Variants in RANBP3 observed in about 807,000 individuals in gnomAD.
RANBP3 encodes the protein RAN binding protein 3, also known as ran-binding protein 3.
In RANBP3, 14 loss-of-function variants were observed where a neutral mutation model predicts 77.3. The ratio of observed to expected loss-of-function variants is 0.18; its 90% CI spans 0.12 to 0.28. The LOEUF is 0.28. RANBP3 is among the 10% of genes least tolerant of loss of function. The pLI, the probability that RANBP3 is intolerant of heterozygous loss-of-function variation, is 1.00. For missense variants in RANBP3, 586 were observed against 752.3 expected (o/e 0.78, Z 2.59); for synonymous variants, 315 against 312.4 (o/e 1.01, Z -0.09).
At chr19:5,957,467 G>A (rs1268985590) in intron 2 of RANBP3, among the ~76,000 whole-genome samples, 1 of 152,052 alleles carries the variant, frequency 6.6e-6, no homozygotes, top group East Asian at 1.9e-4. Context: ...CAGCTCGTTA[G>A]GGCCAATAAA....
intron 1 of RANBP3, among the ~76,000 whole-genome samples, chr19:5,974,592 G>A (rs1599810560): frequency 6.6e-6 from 1 of 152,264 alleles, no homozygotes; most frequent in Middle Eastern, 3.4e-3. Flanking sequence ...GAAGGGCTGT[G>A]AGAGTTGCTG....
chr19:5,941,533 A>T, intron 5 of RANBP3, 88 bp downstream of exon 5: 1 of 1,191,112 alleles, frequency 8.4e-7, no homozygotes. Flanking sequence ...GGCAGGAAGG[A>T]CACAGCAGAC....
At chr19:5,925,319 C>G (rs959257625) in intron 10 of RANBP3, 1 of 511,126 alleles carries the variant, frequency 2.0e-6, no homozygotes, top group African/African-American at 1.9e-5. Flanking sequence ...CTGGCCTGCT[C>G]TGTTCTGCTC....
chr19:5,977,886 T>A (rs898586063), intron 1 of RANBP3, among the ~76,000 whole-genome samples, 175 bp downstream of exon 1: 1 of 152,066 alleles, frequency 6.6e-6, no homozygotes, highest in Non-Finnish European at 1.5e-5. Context: ...GCCGGGCCGG[T>A]GAGCCCGGCC....
chr19:5,932,616 C>G, intron 6 of RANBP3, 72 bp from the exon 7 acceptor site: 1 of 1,216,984 alleles, frequency 8.2e-7, no homozygotes, highest in South Asian at 1.3e-5. Context: ...GAGACTGACC[C>G]CTGGCATCCC....
chr19:5,937,893 C>T (rs1181246370), intron 5 of RANBP3, among the ~76,000 whole-genome samples: 2 of 152,142 alleles, frequency 1.3e-5, no homozygotes, highest in African/African-American at 4.8e-5. Context: ...TCCAGACACA[C>T]GGCTTTAGTA....
intron 1 of RANBP3, 124 bp downstream of exon 1, chr19:5,977,937 G>A: frequency 6.9e-6 from 9 of 1,295,814 alleles, no homozygotes; most frequent in Non-Finnish European, 9.3e-6. Context: ...GCCCGCCACG[G>A]CGCTAGCCTG....
At position 5,942,561 on chromosome 19, in the gene RANBP3, CTGGGCGTGGTGGTG is replaced by C. The variant is rs1329142066; in HGVS notation, c.283-740_283-727del. On this transcript the variant is annotated intron_variant, in intron 3 of 16. Coordinates refer to ENST00000340578, the MANE Select transcript of RANBP3 (RefSeq NM_007322.3). Reference sequence around the variant, plus strand: ...CCACTAAAAATACAAAAAAAAGTAGCTGGGCGTGGTGGTGCACGCCTGTAATCTCAGCTACAGGC... The same window carrying C: ...CCACTAAAAATACAAAAAAAAGTAGCCACGCCTGTAATCTCAGCTACAGGC... 1.1e-4 allele frequency among the ~76,000 whole-genome samples: 16 copies of C among 152,166 alleles called. No individual in the cohort carries two copies. In the East Asian group the frequency reaches 3.1e-3, roughly 29 times the overall value.
chr19:5,931,586 C>T lies in RANBP3; in HGVS notation c.566-55G>A, dbSNP rs998924470. The T allele has an allele frequency of 3.3e-5, 52 of 1,561,426 alleles. 1 individual carries two copies. The highest frequency in any genetic ancestry group is 4.5e-5 in the Non-Finnish European group (52 of 1,150,072). Reference sequence around the variant, plus strand: ...CAGGTGCTTGGCGGCCCTCCCACCCCCACTCACATAGCTGAGGGGCTGGGC... The same window carrying T: ...CAGGTGCTTGGCGGCCCTCCCACCCTCACTCACATAGCTGAGGGGCTGGGC... On this transcript the variant is annotated intron_variant, in intron 7 of 16. Coordinates refer to ENST00000340578, the MANE Select transcript of RANBP3 (RefSeq NM_007322.3).
chr19:5,962,706 C>G (rs377581499), intron 1 of RANBP3: 35 of 456,090 alleles, frequency 7.7e-5, no homozygotes, highest in South Asian at 3.9e-4. Context: ...TTAGTCACAT[C>G]TGCACCCAAA....
At chr19:5,944,958 C>G (rs78364476) in intron 3 of RANBP3, among the ~76,000 whole-genome samples, 1 of 152,166 alleles carries the variant, frequency 6.6e-6, no homozygotes, top group African/African-American at 2.4e-5. Flanking sequence ...GATGGCCATA[C>G]CCTCTCTGGC....
At chr19:5,932,588 C>T (rs1322094909) in intron 6 of RANBP3, 44 bp from the exon 7 acceptor site, 1 of 1,546,018 alleles carries the variant, frequency 6.5e-7, no homozygotes, top group African/African-American at 1.4e-5. Flanking sequence ...GGACCCCTGC[C>T]TGCCCCCAGG....
intron 3 of RANBP3, 113 bp from the exon 4 acceptor site, chr19:5,941,948 G>A: frequency 8.2e-7 from 1 of 1,221,064 alleles, no homozygotes; most frequent in Non-Finnish European, 1.2e-6. Context: ...CTAGTTCCCA[G>A]AGCCCAGCAC....
chr19:5,925,925 G>A (rs1287836676), intron 9 of RANBP3, among the ~76,000 whole-genome samples, 188 bp from the exon 10 acceptor site: 1 of 152,108 alleles, frequency 6.6e-6, no homozygotes, highest in Non-Finnish European at 1.5e-5. Flanking sequence ...ATCACCTTTT[G>A]CTTTAACAGT....
chr19:5,941,433 G>A (rs908653592), intron 5 of RANBP3, among the ~76,000 whole-genome samples, 188 bp downstream of exon 5: 4 of 152,096 alleles, frequency 2.6e-5, no homozygotes, highest in Admixed American at 6.6e-5. Flanking sequence ...TCACTGATTC[G>A]AGACGAGGAC....
intron 5 of RANBP3, among the ~76,000 whole-genome samples, chr19:5,936,211 GGGA>G (rs1396323911): frequency 6.6e-6 from 1 of 152,250 alleles, no homozygotes; most frequent in African/African-American, 2.4e-5. Context: ...GTGCAGGGTG[GGGA>G]GGAGGCTCAG....
Position 5,924,946 on chromosome 19 carries a change from G to T in RANBP3, c.918-41C>A. The T allele has an allele frequency of 6.4e-7, 1 of 1,568,252 alleles. No individual in the cohort carries two copies. Among genetic ancestry groups the T allele is most frequent in the South Asian group, 1.1e-5 (1 of 90,128 alleles). On this transcript the variant is annotated intron_variant, in intron 10 of 16. Coordinates refer to ENST00000340578, the MANE Select transcript of RANBP3 (RefSeq NM_007322.3). The surrounding 1 kb of genome is among the most constrained non-coding windows in gnomAD (Gnocchi z 4.7). ...GCAATGAGTGTGGGGCGTCACGTGG[G>T]AACGTGGCCAGGCAAATGTATGGGT...
intron 1 of RANBP3, among the ~76,000 whole-genome samples, chr19:5,967,116 A>G (rs559884730): frequency 6.6e-6 from 1 of 152,306 alleles, no homozygotes; most frequent in African/African-American, 2.4e-5. Flanking sequence ...ACTGATCTCA[A>G]ACATGCAGTT....
rs2057738372 is a variant in RANBP3 at position 5,916,389 on chromosome 19, A to T, written c.*1221T>A. The stretch of plus-strand genomic sequence containing the variant: ...CACAGCTGCAGGAGGCCTTCTCTTA[A>T]CCCTCCGAGAGTGGGACTGGGAGAT... On this transcript the variant is annotated 3_prime_UTR_variant, in exon 17 of 17. Coordinates refer to ENST00000340578, the MANE Select transcript of RANBP3 (RefSeq NM_007322.3). 1 of 151,942 alleles carries T rather than the reference A, an allele frequency of 6.6e-6. No homozygotes were observed. The highest frequency in any genetic ancestry group is 1.5e-5 in the Non-Finnish European group (1 of 68,000). The allele number at this position is 151,942 out of a possible 1,614,324, so 9.4% of individuals were successfully genotyped here.
Sources: gnomAD v4.1 joint callset for allele counts (sites outside exome capture counted in the v4.1 genomes callset) on GRCh38, gnomAD v4.1.1 for gene constraint, Gnocchi (gnomAD v3.1) non-coding constraint, MANE v1.5 for transcripts, NCBI Gene and HGNC (gene_info 2026-07-23, HGNC 2026-07-21) for gene names.